SPEF2: variants seen among roughly 807,000 people sequenced by gnomAD.
SPEF2 encodes the protein sperm flagella and cilia-associated protein 2.
Under a neutral mutation model 224.6 loss-of-function variants are expected in SPEF2, and 187 were observed. The ratio of observed to expected loss-of-function variants is 0.83; its 90% confidence interval spans 0.74 to 0.94. SPEF2 has a LOEUF of 0.94. SPEF2 is among the 40% of genes least tolerant of loss of function. The pLI is 0.00. For missense variants in SPEF2, 2,170 were observed against 2,135.6 expected, an observed-to-expected ratio of 1.02 and a Z score of -0.32; for synonymous variants, 715 against 707.3, an observed-to-expected ratio of 1.01 and a Z score of -0.17.
chr5:35,657,651 G>A (rs1294805404), intron 7 of SPEF2, among the ~76,000 whole-genome samples: 1 of 152,052 alleles, frequency 6.6e-6, no homozygotes, highest in African/African-American at 2.4e-5. Context: ...GGAAATATGG[G>A]GAGAGGACCA....
intron 24 of SPEF2, among the ~76,000 whole-genome samples, chr5:35,757,122 G>A (rs1047263112): frequency 1.7e-4 from 24 of 142,972 alleles, no homozygotes; most frequent in Middle Eastern, 3.5e-3. Context: ...TAAAAATATC[G>A]TTTACTAGTT....
At chr5:35,633,529 A>T (rs1745417223) in intron 2 of SPEF2, among the ~76,000 whole-genome samples, 1 of 152,020 alleles carries the variant, frequency 6.6e-6, no homozygotes, top group South Asian at 2.1e-4. Context: ...CTTTGAATCT[A>T]AAGTGTATTT....
chr5:35,779,460 ATGCCC>A (rs1358384401), intron 30 of SPEF2, 114 bp downstream of exon 30: 5 of 733,484 alleles, frequency 6.8e-6, no homozygotes, highest in African/African-American at 1.8e-5. Flanking sequence ...GCACTAAAAC[ATGCCC>A]TTGCTTTGTT....
chr5:35,652,824 A>G (rs566949441), intron 6 of SPEF2, among the ~76,000 whole-genome samples: 1 of 152,316 alleles, frequency 6.6e-6, no homozygotes, highest in South Asian at 2.1e-4. Flanking sequence ...TTTTTATCAG[A>G]GTACTTGTGT....
At chr5:35,788,510 C>T in intron 30 of SPEF2, 1 of 702,612 alleles carries the variant, frequency 1.4e-6, no homozygotes, top group Non-Finnish European at 2.6e-6. Flanking sequence ...TGTCTATGTG[C>T]AGTTTGCACA....
In SPEF2 at chr5:35,641,461, T is replaced by G; in HGVS notation, c.192T>G (p.Ser64=). ...CAAGTGCCAAACTTAATAATTTTTC[T>G]CGCTTGGAGCCAACACTTAACCTTC... The part of the protein sequence containing the change: ...RVSSAKLNNF[S]RLEPTLNLLG... The change falls in exon 3 of 37, where the codon TCT becomes TCG. Residue 64 remains serine, a synonymous_variant. Transcript: ENST00000356031. The G allele has an allele frequency of 6.2e-7, 1 of 1,613,190 alleles. No individual in the cohort carries two copies. Among genetic ancestry groups the G allele is most frequent in the South Asian group, 1.1e-5 (1 of 90,810 alleles).
At chr5:35,654,897 A>T (rs1748750557) in intron 7 of SPEF2, among the ~76,000 whole-genome samples, 171 bp downstream of exon 7, 1 of 151,706 alleles carries the variant, frequency 6.6e-6, no homozygotes. Context: ...GTAGCTATTT[A>T]CTAAAGAATC....
At chr5:35,691,531 G>C (rs1338500443) in intron 11 of SPEF2, among the ~76,000 whole-genome samples, 4 of 152,182 alleles carry the variant, frequency 2.6e-5, no homozygotes, top group Admixed American at 6.5e-5. Flanking sequence ...GAGCCCATTT[G>C]TATGAAATAT....
At chr5:35,739,758 G>A (rs112774971) in intron 21 of SPEF2, among the ~76,000 whole-genome samples, 161 bp from the exon 22 acceptor site, 41 of 152,248 alleles carry the variant, frequency 2.7e-4, no homozygotes, top group African/African-American at 8.9e-4. Context: ...TTGCTGGAGT[G>A]GGAGGCGTGT....
intron 30 of SPEF2, chr5:35,789,062 G>A (rs1494576): frequency 0.7 from 473,756 of 680,048 alleles, 167,653 homozygotes; most frequent in African/African-American, 0.87. Flanking sequence ...GTATTATTTT[G>A]CTTTTTCAGA....
intron 6 of SPEF2, among the ~76,000 whole-genome samples, chr5:35,650,332 T>G (rs1380691471): frequency 6.6e-6 from 1 of 152,104 alleles, no homozygotes; most frequent in Non-Finnish European, 1.5e-5. Context: ...CTATTCTGAT[T>G]CCCACTCCCA....
intron 23 of SPEF2, among the ~76,000 whole-genome samples, chr5:35,740,879 T>C (rs767401433): frequency 2.0e-5 from 3 of 152,194 alleles, no homozygotes; most frequent in Non-Finnish European, 4.4e-5. Flanking sequence ...TCATCTTTCA[T>C]TTTAAATTGA....
chr5:35,666,496 G>C (rs1750482855), intron 8 of SPEF2, among the ~76,000 whole-genome samples: 2 of 87,728 alleles, frequency 2.3e-5, no homozygotes. Flanking sequence ...AGTTGTTAAG[G>C]CTGTATCTGT....
chr5:35,807,719 A>T, intron 36 of SPEF2: 1 of 1,536,118 alleles, frequency 6.5e-7, no homozygotes, highest in Non-Finnish European at 8.7e-7. Flanking sequence ...AGTGTGCAAG[A>T]TGGAGAAACT....
At chr5:35,653,673 G>T (rs551405546) in intron 6 of SPEF2, among the ~76,000 whole-genome samples, 1 of 152,084 alleles carries the variant, frequency 6.6e-6, no homozygotes, top group Middle Eastern at 3.2e-3. Context: ...AAGGCCGGGC[G>T]CAGTGACTCA....
At position 35,644,487 on chromosome 5, in the gene SPEF2, A is replaced by G; in HGVS notation, c.547A>G (p.Lys183Glu). ...TTTTGAGAAACTTGAAAGATTTCAAAAACTCAAGGAAGAGCAAAGATGTTT... is the reference window on the plus strand; with the variant it reads ...TTTTGAGAAACTTGAAAGATTTCAAGAACTCAAGGAAGAGCAAAGATGTTT... Reference protein sequence around the residue: ...LHFEKLERFQKLKEEQRCFDI... With the variant: ...LHFEKLERFQELKEEQRCFDI... Residue 183 changes from lysine (K) to glutamate (E), a missense_variant, in exon 4 of 37, where the codon AAA becomes GAA. Physicochemically the swap from Lys to Glu is moderately conservative, Grantham distance 56. Coordinates refer to ENST00000356031, the MANE Select transcript of SPEF2 (RefSeq NM_024867.4). The G allele has an allele frequency of 6.2e-7, 1 of 1,604,162 alleles. No individual in the cohort carries two copies. Among genetic ancestry groups the G allele is most frequent in the Non-Finnish European group, 8.5e-7 (1 of 1,177,438 alleles).
intron 10 of SPEF2, among the ~76,000 whole-genome samples, chr5:35,672,839 T>C (rs1327714548): frequency 1.3e-5 from 2 of 152,208 alleles, no homozygotes; most frequent in Admixed American, 6.5e-5. Flanking sequence ...TTTGAGTTTG[T>C]GCTTTTAGAA....
intron 8 of SPEF2, among the ~76,000 whole-genome samples, chr5:35,659,612 G>A (rs2149449604): frequency 6.6e-6 from 1 of 152,204 alleles, no homozygotes; most frequent in African/African-American, 2.4e-5. Context: ...ATATAAAATG[G>A]TTAGTTCACA....
At position 35,807,317 on chromosome 5, in the gene SPEF2, T is replaced by G. The variant is rs1372900194; in HGVS notation, c.5379+64T>G. On this transcript the variant is annotated intron_variant, in intron 36 of 36. Transcript: ENST00000356031. ...CCAGTTCAGGACATGCTAGGATGTT[T>G]CTAAATGTGAGCTGGCATGGAAGAG... 3.2e-6 allele frequency: 5 copies of G among 1,551,242 alleles called. No individual in the cohort carries two copies. The African/African-American group carries it at 6.9e-5, about 21-fold the overall frequency.
Sources: gnomAD v4.1 joint callset for allele counts (sites outside exome capture counted in the v4.1 genomes callset) on GRCh38, gnomAD v4.1.1 for gene constraint, MANE v1.5 for transcripts, NCBI Gene and HGNC (gene_info 2026-07-23, HGNC 2026-07-21) for gene names.